Variants in TTC28 observed in about 807,000 individuals in gnomAD.
TTC28 encodes tetratricopeptide repeat protein 28.
TTC28 carries 61 observed loss-of-function variants against 198.0 expected under a neutral mutation model. The observed-to-expected ratio is 0.31, with a 90% CI of 0.25 to 0.38. The LOEUF (loss-of-function observed/expected upper bound fraction) is 0.38, where lower values mean the gene tolerates loss of function less well. Among genes scored for constraint, TTC28 ranks in the 10% least tolerant of loss-of-function variants. TTC28 has a pLI of 1.00. For missense variants in TTC28, 2,678 were observed against 3,164.0 expected (o/e 0.85, Z 3.69); for synonymous variants, 1,171 against 1,297.8 (o/e 0.90, Z 2.10).
intron 6 of TTC28, among the ~76,000 whole-genome samples, chr22:28,152,568 G>A (rs1943635349): frequency 6.6e-6 from 1 of 151,900 alleles, no homozygotes; most frequent in Admixed American, 6.5e-5. Flanking sequence ...GAATAATAAT[G>A]GTTTACCTCC....
intron 6 of TTC28, among the ~76,000 whole-genome samples, chr22:28,128,584 C>CTGGA (rs754405694): frequency 6.6e-6 from 1 of 152,110 alleles, no homozygotes; most frequent in Non-Finnish European, 1.5e-5. Context: ...GTCACCCAGG[C>CTGGA]TGGAGTACAG....
At chr22:28,237,529 T>C (rs1266111013) in intron 5 of TTC28, among the ~76,000 whole-genome samples, 4 of 152,198 alleles carry the variant, frequency 2.6e-5, no homozygotes, top group Non-Finnish European at 5.9e-5. Flanking sequence ...TACTTTCATT[T>C]CTCCCTCTTA....
At chr22:28,243,606 G>C (rs1416114168) in intron 5 of TTC28, among the ~76,000 whole-genome samples, 1 of 152,042 alleles carries the variant, frequency 6.6e-6, no homozygotes, top group African/African-American at 2.4e-5. Context: ...GTAAGATCTG[G>C]CCCAGCAGCG....
At chr22:28,417,184 T>C (rs1361297565) in intron 2 of TTC28, among the ~76,000 whole-genome samples, 1 of 150,248 alleles carries the variant, frequency 6.7e-6, no homozygotes, top group African/African-American at 2.4e-5. Flanking sequence ...AGCCTAGGGG[T>C]TTGAGACCAG....
At chr22:28,471,544 C>T (rs565118098) in intron 2 of TTC28, among the ~76,000 whole-genome samples, 13 of 152,180 alleles carry the variant, frequency 8.5e-5, no homozygotes, top group African/African-American at 3.1e-4. Flanking sequence ...ACTAAAGTAT[C>T]ATTTATCACT....
At chr22:28,250,504 T>C (rs1009467873) in intron 5 of TTC28, among the ~76,000 whole-genome samples, 4 of 152,194 alleles carry the variant, frequency 2.6e-5, no homozygotes, top group African/African-American at 9.6e-5. Flanking sequence ...TTTCCAGGAC[T>C]TACCAGCAGA....
intron 2 of TTC28, among the ~76,000 whole-genome samples, chr22:28,518,978 T>C (rs2048845611): frequency 6.6e-6 from 1 of 152,230 alleles, no homozygotes; most frequent in Non-Finnish European, 1.5e-5. Context: ...TCACTTAATT[T>C]TTCTGGACCT....
intron 5 of TTC28, among the ~76,000 whole-genome samples, chr22:28,264,856 C>G (rs1470562087): frequency 1.3e-5 from 2 of 152,090 alleles, no homozygotes; most frequent in African/African-American, 4.8e-5. Flanking sequence ...AAGCAAGATC[C>G]AGGTTGAAGA....
chr22:28,388,388 A>T (rs1215681535), intron 2 of TTC28, among the ~76,000 whole-genome samples: 1 of 152,156 alleles, frequency 6.6e-6, no homozygotes, highest in Non-Finnish European at 1.5e-5. Context: ...GAAGAAAGTC[A>T]TTGGTAGCTT....
chr22:28,307,595 TAC>T (rs1330321066), intron 2 of TTC28, among the ~76,000 whole-genome samples: 1 of 152,122 alleles, frequency 6.6e-6, no homozygotes, highest in African/African-American at 2.4e-5. Context: ...TGTTTTCAAC[TAC>T]ACAGAGTAAA....
chr22:28,608,433 A>G (rs1276724986), intron 2 of TTC28, among the ~76,000 whole-genome samples: 1 of 152,244 alleles, frequency 6.6e-6, no homozygotes, highest in African/African-American at 2.4e-5. Context: ...GGCATCTGTC[A>G]AATAAAATCA....
In TTC28 at chr22:27,983,543, G is replaced by A. The variant is rs567631583; in HGVS notation, c.6124C>T (p.Pro2042Ser). 1.9e-6 allele frequency: 3 copies of A among 1,551,214 alleles called. No homozygotes were observed. Among genetic ancestry groups the A allele is most frequent in the Non-Finnish European group, 1.7e-6 (2 of 1,146,898 alleles). The change falls in exon 23 of 23, where the codon CCT (proline) becomes TCT (serine). Residue 2042 changes from proline to serine, a missense_variant. Coordinates refer to ENST00000397906, the MANE Select transcript of TTC28 (RefSeq NM_001145418.2). ...QRSTLPRSQLPPQTRPAGNKD... is the reference protein window; with the variant it reads ...QRSTLPRSQLSPQTRPAGNKD... ...TTGCCTGCAGGGCGGGTCTGGGGAG[G>A]CAGCTGGCTCCTAGGCAGGGTGGAT...
intron 2 of TTC28, among the ~76,000 whole-genome samples, chr22:28,491,040 A>G (rs1330187501): frequency 1.3e-5 from 2 of 152,212 alleles, no homozygotes; most frequent in African/African-American, 2.4e-5. Context: ...GGGGAAATAA[A>G]ACTATCAAGC....
At chr22:28,624,208 C>T (rs1319144278) in intron 2 of TTC28, among the ~76,000 whole-genome samples, 2 of 151,998 alleles carry the variant, frequency 1.3e-5, no homozygotes, top group Non-Finnish European at 2.9e-5. Flanking sequence ...GAAACCCTGT[C>T]TCTACTAAAA....
At chr22:28,392,181 A>C (rs1431055220) in intron 2 of TTC28, among the ~76,000 whole-genome samples, 2 of 152,188 alleles carry the variant, frequency 1.3e-5, no homozygotes, top group African/African-American at 4.8e-5. Context: ...GACCCACTTG[A>C]GGAGGCAGTC....
chr22:28,109,600 T>C (rs1438955260), intron 6 of TTC28, among the ~76,000 whole-genome samples: 1 of 152,212 alleles, frequency 6.6e-6, no homozygotes, highest in Non-Finnish European at 1.5e-5. Context: ...ACAAGCAGTT[T>C]AAAAAAGTGA....
chr22:28,232,250 T>C (rs1260678081), intron 5 of TTC28, among the ~76,000 whole-genome samples: 1 of 152,204 alleles, frequency 6.6e-6, no homozygotes, highest in Non-Finnish European at 1.5e-5. Flanking sequence ...TTTTGTGACC[T>C]GTAATGAAGA....
At chr22:28,279,205 C>CT (rs1270626219) in intron 5 of TTC28, among the ~76,000 whole-genome samples, 1 of 152,176 alleles carries the variant, frequency 6.6e-6, no homozygotes, top group Non-Finnish European at 1.5e-5. Flanking sequence ...ATCTATACAT[C>CT]TTTTCATCAA....
rs771659709 is a variant in TTC28 at position 28,327,961 on chromosome 22, T to A, written c.382-21318A>T. On this transcript the variant is annotated intron_variant, in intron 2 of 22. Coordinates refer to ENST00000397906, the MANE Select transcript of TTC28 (RefSeq NM_001145418.2). ...AGCTCAGTGGCAGGCATTGTTCCAG[T>A]GAAAATTCAAGAGAGAAAAGATAAA... Among the ~76,000 whole-genome samples, 73 of 152,258 alleles carry A rather than the reference T, an allele frequency of 4.8e-4. 1 individual carries two copies. The highest frequency in any genetic ancestry group is 8.2e-4 in the Non-Finnish European group (56 of 68,016).
Sources: allele counts gnomAD v4.1 joint callset (sites outside exome capture counted in the v4.1 genomes callset), GRCh38; gene constraint gnomAD v4.1.1; transcripts MANE v1.5; gene names NCBI Gene and HGNC (gene_info 2026-07-23, HGNC 2026-07-21).